NYAP2: variants seen among roughly 807,000 people sequenced by gnomAD.
NYAP2 encodes the protein neuronal tyrosine-phosphorylated phosphoinositide-3-kinase adaptor 2.
A neutral mutation model predicts 50.4 loss-of-function variants in NYAP2; 23 were observed. The observed-to-expected ratio is 0.46, with a 90% confidence interval of 0.33 to 0.65. The LOEUF (loss-of-function observed/expected upper bound fraction) is 0.65. Among genes scored for constraint, NYAP2 ranks in the 30% least tolerant of loss-of-function variants. The probability of loss-of-function intolerance (pLI) is 0.02; values close to 1 mark genes in which losing one functional copy is unlikely to be tolerated. For synonymous variants in NYAP2, 394 were observed against 365.2 expected, an observed-to-expected ratio of 1.08 and a Z score of -0.90; for missense variants, 885 against 861.0, an observed-to-expected ratio of 1.03 and a Z score of -0.35.
At chr2:225,547,486 A>G (rs560701758) in intron 4 of NYAP2, among the ~76,000 whole-genome samples, 4 of 152,302 alleles carry the variant, frequency 2.6e-5, no homozygotes, top group Admixed American at 2.0e-4. Context: ...TGGGATCTCA[A>G]GTTCTGACTT....
At chr2:225,490,582 G>T (rs111661883) in intron 3 of NYAP2, among the ~76,000 whole-genome samples, 2 of 152,084 alleles carry the variant, frequency 1.3e-5, no homozygotes, top group African/African-American at 2.4e-5. Flanking sequence ...CCTGGATGAG[G>T]GAAATGATAA....
At chr2:225,583,167 A>G in intron 5 of NYAP2, 132 bp downstream of exon 5, 3 of 1,108,500 alleles carry the variant, frequency 2.7e-6, no homozygotes, top group Non-Finnish European at 3.7e-6. Flanking sequence ...TAGCATGCAA[A>G]CAAAATGTGT....
At chr2:225,435,144 C>A (rs1290595594) in intron 3 of NYAP2, among the ~76,000 whole-genome samples, 1 of 152,134 alleles carries the variant, frequency 6.6e-6, no homozygotes, top group Non-Finnish European at 1.5e-5. Flanking sequence ...TTCGGTGACA[C>A]TTCTCCTCTG....
At chr2:225,436,960 G>A (rs998117389) in intron 3 of NYAP2, among the ~76,000 whole-genome samples, 2 of 151,916 alleles carry the variant, frequency 1.3e-5, no homozygotes, top group African/African-American at 4.8e-5. Context: ...TACCCACCAG[G>A]GCAAGGCTTG....
intron 6 of NYAP2, among the ~76,000 whole-genome samples, chr2:225,646,790 G>C (rs1184695845): frequency 2.0e-5 from 3 of 152,184 alleles, no homozygotes; most frequent in South Asian, 2.1e-4. Context: ...AATTTGCCAT[G>C]TTCAATGGGT....
intron 3 of NYAP2, among the ~76,000 whole-genome samples, chr2:225,424,260 T>A (rs1695255354): frequency 6.6e-6 from 1 of 152,134 alleles, no homozygotes; most frequent in Non-Finnish European, 1.5e-5. Flanking sequence ...TTATTTTTCT[T>A]CTGAGGTATA....
intron 5 of NYAP2, among the ~76,000 whole-genome samples, chr2:225,623,750 A>G (rs1277629958): frequency 6.6e-6 from 1 of 152,236 alleles, no homozygotes; most frequent in Non-Finnish European, 1.5e-5. Flanking sequence ...TGCTTGCTCT[A>G]TTTAAAAATA....
chr2:225,485,785 C>G (rs547846261), intron 3 of NYAP2, among the ~76,000 whole-genome samples: 313 of 152,242 alleles, frequency 2.1e-3, no homozygotes, highest in Non-Finnish European at 3.0e-3. Context: ...GAGAAGCATG[C>G]CATTACCTCA....
In NYAP2 at chr2:225,567,274, G is replaced by A. The variant is rs376019188; in HGVS notation, c.524-14667G>A. On this transcript the variant is annotated intron_variant, in intron 4 of 6. Transcript: ENST00000636099. ...TTGTATATGGGATCCATAGCTGACT[G>A]CACCCTTATTATGTGGCACATAAAC... 3.9e-5 allele frequency among the ~76,000 whole-genome samples: 6 copies of A among 152,164 alleles called. No homozygotes were observed. The East Asian group carries it at 7.7e-4, about 20-fold the overall frequency.
chr2:225,598,188 A>G (rs1434316344), intron 5 of NYAP2, among the ~76,000 whole-genome samples: 1 of 152,192 alleles, frequency 6.6e-6, no homozygotes, highest in African/African-American at 2.4e-5. Context: ...CAAAGAGGCC[A>G]TCTTTATTGT....
intron 3 of NYAP2, among the ~76,000 whole-genome samples, chr2:225,416,728 A>G (rs1479223767): frequency 6.6e-6 from 1 of 152,134 alleles, no homozygotes; most frequent in Non-Finnish European, 1.5e-5. Context: ...GACTTTAATT[A>G]TATCCTAGAC....
At chr2:225,648,322 G>A (rs976684993) in intron 6 of NYAP2, among the ~76,000 whole-genome samples, 7 of 152,036 alleles carry the variant, frequency 4.6e-5, no homozygotes, top group Non-Finnish European at 1.0e-4. Context: ...ATTTTAGAAA[G>A]CAAGAAGCAG....
intron 4 of NYAP2, among the ~76,000 whole-genome samples, chr2:225,541,443 A>C (rs772711830): frequency 7.2e-5 from 11 of 152,148 alleles, no homozygotes; most frequent in Non-Finnish European, 1.5e-4. Flanking sequence ...TTAAGTCATT[A>C]ATCCATTTTG....
At chr2:225,668,445 A>C in the NYAP2 span, among the ~76,000 whole-genome samples, 4 of 152,192 alleles carry the variant, frequency 2.6e-5, no homozygotes, top group Non-Finnish European at 5.9e-5. Context: ...GGGCTGCCTC[A>C]GATTTTCCAT....
intron 3 of NYAP2, among the ~76,000 whole-genome samples, chr2:225,444,980 G>A (rs529854678): frequency 1.2e-4 from 18 of 152,162 alleles, no homozygotes; most frequent in Admixed American, 7.9e-4. Flanking sequence ...AAACTATTCC[G>A]TATTCTCTGT....
At chr2:225,461,596 T>C (rs141806298) in intron 3 of NYAP2, among the ~76,000 whole-genome samples, 17 of 152,356 alleles carry the variant, frequency 1.1e-4, no homozygotes, top group African/African-American at 3.6e-4. Flanking sequence ...TCTGTCCTAC[T>C]TTTTGCTTCA....
the NYAP2 span, chr2:225,699,226 C>G: frequency 6.6e-6 from 1 of 151,922 alleles, no homozygotes; most frequent in Non-Finnish European, 1.5e-5. Context: ...ATTAGTCTGA[C>G]TTAGTAATAA....
At chr2:225,623,007 AT>A (rs1372773490) in intron 5 of NYAP2, among the ~76,000 whole-genome samples, 3 of 152,236 alleles carry the variant, frequency 2.0e-5, no homozygotes, top group Non-Finnish European at 4.4e-5. Flanking sequence ...ATCATTAATG[AT>A]TAATAAATTT....
intron 3 of NYAP2, among the ~76,000 whole-genome samples, chr2:225,451,399 T>C (rs920572324): frequency 1.3e-5 from 2 of 152,178 alleles, no homozygotes; most frequent in Non-Finnish European, 2.9e-5. Context: ...ATATACCTTT[T>C]TATACAAAAA....
Sources: gnomAD v4.1 joint callset for allele counts (sites outside exome capture counted in the v4.1 genomes callset) on GRCh38, gnomAD v4.1.1 for gene constraint, MANE v1.5 for transcripts, NCBI Gene and HGNC (gene_info 2026-07-23, HGNC 2026-07-21) for gene names.